Variants in ARSB observed in about 807,000 individuals in gnomAD.
ARSB encodes arylsulfatase B.
Under a neutral mutation model 50.9 loss-of-function variants are expected in ARSB, and 41 were observed. The ratio of observed to expected loss-of-function variants is 0.81; its 90% CI spans 0.63 to 1.04. ARSB has a LOEUF of 1.04. ARSB is among the 50% of genes least tolerant of loss of function. The pLI is 0.00. For synonymous variants in ARSB, 269 were observed against 284.8 expected (o/e 0.94, Z 0.56); for missense variants, 672 against 693.3 (o/e 0.97, Z 0.35).
intron 6 of ARSB, among the ~76,000 whole-genome samples, chr5:78,809,437 CCT>C (rs1045799011): frequency 1.2e-4 from 18 of 152,344 alleles, no homozygotes; most frequent in African/African-American, 4.3e-4. Context: ...TAACACAGTG[CCT>C]CTCTTCTCTG....
intron 6 of ARSB, among the ~76,000 whole-genome samples, chr5:78,797,323 T>C (rs1743223257): frequency 6.6e-6 from 1 of 152,254 alleles, no homozygotes; most frequent in Non-Finnish European, 1.5e-5. Context: ...ATCTCTTCAA[T>C]GTTTTCGTTC....
intron 2 of ARSB, among the ~76,000 whole-genome samples, chr5:78,967,400 C>T (rs926852864): frequency 9.9e-5 from 15 of 152,060 alleles, no homozygotes; most frequent in African/African-American, 1.7e-4. Context: ...TCAGGCTGGG[C>T]GCGGTGGCTC....
At chr5:78,951,228 T>C (rs1224112757) in intron 4 of ARSB, among the ~76,000 whole-genome samples, 1 of 152,102 alleles carries the variant, frequency 6.6e-6, no homozygotes. Context: ...TTTTATTTTA[T>C]TTTTTAAAAA....
At chr5:78,781,720 T>A in intron 7 of ARSB, 132 bp downstream of exon 7, 1 of 1,347,974 alleles carries the variant, frequency 7.4e-7, no homozygotes, top group Non-Finnish European at 1.1e-6. Flanking sequence ...AGTGATAATG[T>A]CCTCTCTTTC....
intron 4 of ARSB, among the ~76,000 whole-genome samples, chr5:78,943,474 T>G (rs369068562): frequency 1.8e-3 from 275 of 152,360 alleles, no homozygotes; most frequent in Middle Eastern, 0.017. Flanking sequence ...GCAGGACTGG[T>G]GGTGACAAAA....
At chr5:78,977,828 C>T (rs781466174) in intron 1 of ARSB, among the ~76,000 whole-genome samples, 3 of 152,292 alleles carry the variant, frequency 2.0e-5, no homozygotes, top group African/African-American at 7.2e-5. Context: ...TATACACACA[C>T]ACACAATTAG....
rs118083173 is a variant in ARSB at position 78,885,371 on chromosome 5, G to A, written c.1142+213C>T. 6,854 of 708,434 alleles carry A rather than the reference G, an allele frequency of 9.7e-3. 143 individuals carry two copies. The highest frequency in any genetic ancestry group is 0.047 in the South Asian group (1,674 of 35,568). The allele number at this position is 708,434 out of a possible 1,614,324, so 43.9% of individuals were successfully genotyped here. The stretch of plus-strand genomic sequence containing the variant: ...AGGGCGATGGGCTGAGGACAATCTT[G>A]TTCTTCACGTAAAACACAGGCCCAC... On this transcript the variant is annotated intron_variant, in intron 5 of 7. Coordinates refer to ENST00000264914, the MANE Select transcript of ARSB (RefSeq NM_000046.5).
chr5:78,800,176 G>T (rs943068974), intron 6 of ARSB, among the ~76,000 whole-genome samples: 3 of 151,978 alleles, frequency 2.0e-5, no homozygotes, highest in African/African-American at 7.3e-5. Context: ...AAATTAGCTG[G>T]GCGTGGTGGT....
rs755279298 is a variant in ARSB at position 78,885,821 on chromosome 5, C to G, written c.905G>C (p.Gly302Ala). 4 of 1,614,180 alleles carry G rather than the reference C, an allele frequency of 2.5e-6. No homozygotes were observed. The Admixed American group carries it at 6.7e-5, about 27-fold the overall frequency. ...NTVFIFSTDNGGQTLAGGNNW... is the reference protein window; with the variant it reads ...NTVFIFSTDNAGQTLAGGNNW... ...ATTACCCCCTGCCAAAGTCTGCCCT[C>G]CGTTATCTGAAACACAGTAAGGTCT... The change falls in exon 5 of 8, where the codon GGA becomes GCA. Residue 302 changes from glycine (G) to alanine (A), a missense_variant. Transcript: ENST00000264914.
At position 78,830,361 on chromosome 5, in the gene ARSB, C is replaced by G. The variant is rs555459992; in HGVS notation, c.1213+8995G>C. Among the ~76,000 whole-genome samples, 5 of 152,302 alleles carry G rather than the reference C, an allele frequency of 3.3e-5. No individual in the cohort carries two copies. The South Asian group carries it at 1.0e-3, about 32-fold the overall frequency. On this transcript the variant is annotated intron_variant, in intron 6 of 7. Transcript: ENST00000264914. ...AATGGCCTAACTCCAGATGCAGGGC[C>G]AGGCCAAGTCCTTCAGGTCAGCTTC...
intron 1 of ARSB, 87 bp from the exon 2 acceptor site, chr5:78,969,279 A>C: frequency 7.2e-7 from 1 of 1,382,734 alleles, no homozygotes; most frequent in Non-Finnish European, 1.0e-6. Flanking sequence ...CTTACTGATC[A>C]TATCTGTTGA....
intron 3 of ARSB, among the ~76,000 whole-genome samples, chr5:78,959,204 C>T (rs1751876198): frequency 6.6e-6 from 1 of 152,168 alleles, no homozygotes; most frequent in Non-Finnish European, 1.5e-5. Flanking sequence ...TGGCACTTCT[C>T]TCTCCTGCTG....
At chr5:78,866,222 C>T (rs1027531653) in intron 5 of ARSB, among the ~76,000 whole-genome samples, 3 of 152,268 alleles carry the variant, frequency 2.0e-5, no homozygotes, top group Admixed American at 6.5e-5. Flanking sequence ...CTGGGGAGGC[C>T]TCACAGTCAT....
intron 2 of ARSB, among the ~76,000 whole-genome samples, chr5:78,967,482 G>C (rs1486944966): frequency 6.6e-6 from 1 of 152,062 alleles, no homozygotes; most frequent in Non-Finnish European, 1.5e-5. Flanking sequence ...AGACCAGCCT[G>C]ACCAACATGG....
intron 4 of ARSB, among the ~76,000 whole-genome samples, chr5:78,943,251 C>T (rs1191868414): frequency 6.6e-6 from 1 of 152,150 alleles, no homozygotes; most frequent in Non-Finnish European, 1.5e-5. Flanking sequence ...CAGTCTGTGT[C>T]TTTTAATTGG....
intron 5 of ARSB, among the ~76,000 whole-genome samples, chr5:78,867,183 G>A (rs1343761395): frequency 1.3e-5 from 2 of 152,232 alleles, no homozygotes; most frequent in South Asian, 2.1e-4. Context: ...ACGGAATCTC[G>A]CTGATTGCTA....
chr5:78,941,596 A>G (rs1274726070), intron 4 of ARSB, among the ~76,000 whole-genome samples: 1 of 152,144 alleles, frequency 6.6e-6, no homozygotes. Context: ...ATTGATTTGC[A>G]TATATTGAAC....
intron 4 of ARSB, among the ~76,000 whole-genome samples, chr5:78,900,339 C>T (rs924008927): frequency 3.9e-5 from 6 of 152,194 alleles, no homozygotes; most frequent in African/African-American, 1.4e-4. Context: ...AGATATTTCT[C>T]CCTACAGGCA....
At chr5:78,790,637 A>G (rs1398218914) in intron 6 of ARSB, among the ~76,000 whole-genome samples, 2 of 152,234 alleles carry the variant, frequency 1.3e-5, no homozygotes, top group African/African-American at 4.8e-5. Flanking sequence ...TGTTCTATGT[A>G]TAACTCATTT....
Sources: gnomAD v4.1 joint callset for allele counts (sites outside exome capture counted in the v4.1 genomes callset) on GRCh38, gnomAD v4.1.1 for gene constraint, MANE v1.5 for transcripts, NCBI Gene and HGNC (gene_info 2026-07-23, HGNC 2026-07-21) for gene names.